Variants in RBFOX1 observed in about 807,000 individuals in gnomAD.
The protein encoded by RBFOX1 is RNA binding protein fox-1 homolog 1.
Under a neutral mutation model 57.7 loss-of-function variants are expected in RBFOX1, and 8 were observed. The ratio of observed to expected loss-of-function variants is 0.14; its 90% CI spans 0.08 to 0.25. The LOEUF (loss-of-function observed/expected upper bound fraction) is 0.25, where lower values mean the gene tolerates loss of function less well. Among genes scored for constraint, RBFOX1 ranks in the 10% least tolerant of loss-of-function variants. The pLI, the probability that RBFOX1 is intolerant of heterozygous loss-of-function variation, is 1.00. For missense variants in RBFOX1, 611 were observed against 548.5 expected, an observed-to-expected ratio of 1.11 and a Z score of -1.14; for synonymous variants, 326 against 222.4, an observed-to-expected ratio of 1.47 and a Z score of -4.15.
At chr16:5,892,333 A>G (rs1301234398) in intron 4 of RBFOX1, among the ~76,000 whole-genome samples, 1 of 152,182 alleles carries the variant, frequency 6.6e-6, no homozygotes, top group Non-Finnish European at 1.5e-5. Context: ...CTTTGCTGTC[A>G]GAGAAGATCT....
rs1054343565 is a variant in RBFOX1 at position 7,440,347 on chromosome 16, T to A, written c.28-77800T>A. 2.0e-5 allele frequency among the ~76,000 whole-genome samples: 3 copies of A among 152,152 alleles called. No individual in the cohort carries two copies. In the South Asian group the frequency reaches 6.2e-4, roughly 32 times the overall value. On this transcript the variant is annotated intron_variant, in intron 4 of 15. Transcript: ENST00000550418. ...CACTGTGAAAAAACAAGATTGTTTT[T>A]AAGGTAAGCTTTCGAGGAGGGGGAA...
At chr16:5,373,864 A>G (rs560067569) in intron 1 of RBFOX1, among the ~76,000 whole-genome samples, 2 of 152,090 alleles carry the variant, frequency 1.3e-5, no homozygotes, top group Non-Finnish European at 2.9e-5. Context: ...GTGGCCTCCC[A>G]AAGTGTTGGG....
intron 2 of RBFOX1, among the ~76,000 whole-genome samples, chr16:6,638,950 A>G (rs115199293): frequency 3.6e-3 from 542 of 152,320 alleles, no homozygotes; most frequent in African/African-American, 0.013. Flanking sequence ...CAGGGACAGA[A>G]AATATTGCTT....
At chr16:7,423,448 C>T (rs2149408991) in intron 4 of RBFOX1, among the ~76,000 whole-genome samples, 1 of 152,088 alleles carries the variant, frequency 6.6e-6, no homozygotes, top group Middle Eastern at 3.4e-3. Flanking sequence ...TTACTTCTGC[C>T]AGCAGAATGG....
At chr16:6,538,080 TATAAA>T (rs1177440380) in intron 2 of RBFOX1, among the ~76,000 whole-genome samples, 1 of 151,954 alleles carries the variant, frequency 6.6e-6, no homozygotes, top group African/African-American at 2.4e-5. Flanking sequence ...ATTATATAAA[TATAAA>T]ATTATGTGAA....
intron 1 of RBFOX1, among the ~76,000 whole-genome samples, chr16:6,233,339 C>G (rs773272242): frequency 2.0e-5 from 3 of 152,048 alleles, no homozygotes; most frequent in Non-Finnish European, 4.4e-5. Context: ...ATCTCTATGG[C>G]TAGCACCATC....
intron 4 of RBFOX1, among the ~76,000 whole-genome samples, chr16:5,953,704 TTATATA>T (rs369586168): frequency 7.2e-6 from 1 of 138,686 alleles, no homozygotes; most frequent in South Asian, 2.2e-4. Flanking sequence ...GTCTTCTGTC[TTATATA>T]TATATATATA....
rs574302928 is a variant in RBFOX1, at chr16:6,055,755, A to C, written c.-127+35763A>C. Among the ~76,000 whole-genome samples, 94 of 152,292 alleles carry C rather than the reference A, an allele frequency of 6.2e-4. 1 individual carries two copies. The South Asian group carries it at 8.5e-3, about 14-fold the overall frequency. ...CGATCACCCAGCACAAAGCTGGAGC[A>C]AGGGAATGACCAAAGTAAGATGAGT... On this transcript the variant is annotated intron_variant, in intron 1 of 15. Transcript: ENST00000550418.
chr16:5,880,400 A>G (rs1597616378), intron 4 of RBFOX1, among the ~76,000 whole-genome samples: 1 of 152,322 alleles, frequency 6.6e-6, no homozygotes, highest in East Asian at 1.9e-4. Flanking sequence ...GACCCAGAGG[A>G]CAAGGATCTT....
At chr16:6,239,594 T>A (rs1484262256) in intron 1 of RBFOX1, among the ~76,000 whole-genome samples, 1 of 143,410 alleles carries the variant, frequency 7.0e-6, no homozygotes, top group African/African-American at 2.6e-5. Context: ...CGCCACCTGG[T>A]TCAAGCAGTT....
chr16:5,540,488 C>T (rs1325729380), intron 2 of RBFOX1, among the ~76,000 whole-genome samples: 1 of 152,166 alleles, frequency 6.6e-6, no homozygotes, highest in African/African-American at 2.4e-5. Context: ...GGGAATATTA[C>T]ACATTTTTCT....
At chr16:6,080,250 G>C (rs185417517) in intron 1 of RBFOX1, among the ~76,000 whole-genome samples, 20 of 152,228 alleles carry the variant, frequency 1.3e-4, no homozygotes, top group African/African-American at 4.6e-4. Flanking sequence ...AAGCAATGTT[G>C]ATCTCGTGTG....
At chr16:7,160,438 T>C (rs1027937714) in intron 4 of RBFOX1, among the ~76,000 whole-genome samples, 2 of 152,120 alleles carry the variant, frequency 1.3e-5, no homozygotes, top group African/African-American at 4.8e-5. Flanking sequence ...TTTCGTAAGG[T>C]TGCACAAAAT....
chr16:7,540,234 C>G (rs991626065), intron 5 of RBFOX1, among the ~76,000 whole-genome samples: 5 of 152,170 alleles, frequency 3.3e-5, no homozygotes, highest in Admixed American at 6.5e-5. Flanking sequence ...TTTGTTTTCT[C>G]CAGATCTCGC....
intron 12 of RBFOX1, among the ~76,000 whole-genome samples, chr16:7,655,349 T>C (rs1476422436): frequency 6.6e-6 from 1 of 152,216 alleles, no homozygotes; most frequent in African/African-American, 2.4e-5. Context: ...TTGAGCTTCT[T>C]GGACAAAACA....
At chr16:5,290,195 C>G (rs377185556) in intron 1 of RBFOX1, among the ~76,000 whole-genome samples, 11 of 152,164 alleles carry the variant, frequency 7.2e-5, no homozygotes, top group African/African-American at 2.4e-4. Context: ...AACCATTTCT[C>G]TACTAAAAAT....
intron 2 of RBFOX1, among the ~76,000 whole-genome samples, chr16:6,552,103 G>C (rs1407392427): frequency 1.3e-5 from 2 of 152,112 alleles, no homozygotes; most frequent in African/African-American, 2.4e-5. Context: ...ATGACCTACT[G>C]CTTCCTGCTG....
At chr16:6,147,664 A>T (rs932244864) in intron 1 of RBFOX1, among the ~76,000 whole-genome samples, 7 of 152,190 alleles carry the variant, frequency 4.6e-5, no homozygotes, top group African/African-American at 1.7e-4. Context: ...AAAACAAGGA[A>T]TGGAAGGGAC....
Position 7,145,045 on chromosome 16 carries a change from C to T in RBFOX1, c.27+92947C>T, listed in dbSNP as rs986261200. ...GGTTTTGTTCTGGGCAAATCCTAGC[C>T]GGATGTGACTGGTCTGCTCTTTTGG... On this transcript the variant is annotated intron_variant, in intron 4 of 15. Transcript: ENST00000550418. Among the ~76,000 whole-genome samples, 8 of 152,228 alleles carry T rather than the reference C, an allele frequency of 5.3e-5. No individual in the cohort carries two copies. In the East Asian group the frequency reaches 1.2e-3, roughly 22 times the overall value.
Sources: allele counts gnomAD v4.1 joint callset (sites outside exome capture counted in the v4.1 genomes callset), GRCh38; gene constraint gnomAD v4.1.1; transcripts MANE v1.5; gene names NCBI Gene and HGNC (gene_info 2026-07-23, HGNC 2026-07-21).